The following LRRC4B variants were observed in gnomAD, a reference collection of about 807,000 sequenced individuals.
The protein encoded by LRRC4B is leucine rich repeat containing 4B.
A neutral mutation model predicts 7.3 loss-of-function variants in LRRC4B; 1 was observed. The ratio of observed to expected loss-of-function variants is 0.14; its 90% CI spans 0.05 to 0.65. LRRC4B has a LOEUF of 0.65. LRRC4B is among the 30% of genes least tolerant of loss of function. LRRC4B has a pLI of 0.84. For synonymous variants in LRRC4B, 500 were observed against 499.2 expected, an observed-to-expected ratio of 1.00 and a Z score of -0.02; for missense variants, 730 against 1,041.6, an observed-to-expected ratio of 0.70 and a Z score of 4.12.
intron 1 of LRRC4B, among the ~76,000 whole-genome samples, chr19:50,565,393 C>T (rs1001282610): frequency 6.6e-6 from 1 of 152,198 alleles, no homozygotes; most frequent in Non-Finnish European, 1.5e-5. Flanking sequence ...GTGTGACACA[C>T]GACTACAGGT....
At chr19:50,535,174 T>G (rs1981226222) in intron 2 of LRRC4B, among the ~76,000 whole-genome samples, 1 of 151,568 alleles carries the variant, frequency 6.6e-6, no homozygotes, top group Admixed American at 6.6e-5. Context: ...GGCCTGTTTA[T>G]TTATTTATTT....
chr19:50,537,502 C>T lies in LRRC4B; in HGVS notation c.297+11040G>A, dbSNP rs539002558. On this transcript the variant is annotated intron_variant, in intron 2 of 2. Transcript: ENST00000652263. The surrounding 1 kb of genome is among the most constrained non-coding windows in gnomAD (Gnocchi z 5.5). ...TTAGCGTCATTCGTGGAGGGGAGAACGCGGGTCTTGTGCCTCTCAGGACTC... is the reference window on the plus strand; with the variant it reads ...TTAGCGTCATTCGTGGAGGGGAGAATGCGGGTCTTGTGCCTCTCAGGACTC... Among the ~76,000 whole-genome samples, 2 of 152,234 alleles carry T rather than the reference C, an allele frequency of 1.3e-5. No individual in the cohort carries two copies. The highest frequency in any genetic ancestry group is 2.4e-5 in the African/African-American group (1 of 41,550).
Position 50,517,859 on chromosome 19 carries a change from G to T in LRRC4B, c.1854C>A (p.Ile618=). 1 of 1,589,356 alleles carries T rather than the reference G, an allele frequency of 6.3e-7. No homozygotes were observed. Among genetic ancestry groups the T allele is most frequent in the Non-Finnish European group, 8.5e-7 (1 of 1,171,708 alleles). ...HHGPTRTVEI[I]NVEDELPAAS... ...CGGCGGGCAGCTCGTCCTCCACGTT[G>T]ATGATCTCCACGGTGCGCGTGGGCC... Residue 618 remains isoleucine, a synonymous_variant, in exon 3 of 3, where the codon ATC becomes ATA. Coordinates refer to ENST00000652263, the MANE Select transcript of LRRC4B (RefSeq NM_001080457.2). The surrounding 1 kb of genome is among the most constrained non-coding windows in gnomAD (Gnocchi z 6.6).
intron 1 of LRRC4B, among the ~76,000 whole-genome samples, chr19:50,558,364 G>A (rs1452897867): frequency 6.6e-6 from 1 of 152,114 alleles, no homozygotes; most frequent in Non-Finnish European, 1.5e-5. Flanking sequence ...CTGAGTAGCC[G>A]ACTACAGGCG....
chr19:50,547,285 C>T (rs1210451044), intron 2 of LRRC4B, among the ~76,000 whole-genome samples: 5 of 152,128 alleles, frequency 3.3e-5, no homozygotes, highest in African/African-American at 4.8e-5. Flanking sequence ...TGGACCCCTT[C>T]GCTGGCCCTT....
chr19:50,529,253 G>C (rs113190657), intron 2 of LRRC4B, among the ~76,000 whole-genome samples: 3 of 152,168 alleles, frequency 2.0e-5, no homozygotes, highest in East Asian at 3.9e-4. Flanking sequence ...TGCACCTGGC[G>C]TGTTGAAGCT....
intron 2 of LRRC4B, among the ~76,000 whole-genome samples, chr19:50,547,729 T>C (rs1020896686): frequency 6.6e-5 from 10 of 150,912 alleles, no homozygotes; most frequent in African/African-American, 2.4e-4. Flanking sequence ...CAAAGGATGA[T>C]AGGGCAGGCC....
intron 1 of LRRC4B, among the ~76,000 whole-genome samples, chr19:50,559,006 G>A (rs1045064959): frequency 7.2e-5 from 11 of 152,226 alleles, no homozygotes; most frequent in African/African-American, 2.4e-4. Context: ...TCCCCGCAAG[G>A]GGCCCATGGC....
chr19:50,544,267 G>A (rs1490634860), intron 2 of LRRC4B, among the ~76,000 whole-genome samples: 6 of 152,104 alleles, frequency 3.9e-5, no homozygotes, highest in Non-Finnish European at 1.5e-5. Flanking sequence ...AGCACTTTGG[G>A]AGGCCGAGGC....
intron 2 of LRRC4B, among the ~76,000 whole-genome samples, chr19:50,520,960 T>C (rs1410617592): frequency 6.6e-6 from 1 of 152,168 alleles, no homozygotes; most frequent in Non-Finnish European, 1.5e-5. Flanking sequence ...AGCATTTTTT[T>C]CTCAGGACTG....
rs1235762495 is a variant in LRRC4B at position 50,548,752 on chromosome 19, G to A, written c.87C>T (p.Leu29=). ...CACCGGCCCCCAGGGGTGGGGAGAA[G>A]AGCCAGAGGAAGAGCAATGCCCCGT... ...WPHGALLFLW[L]FSPPLGAGGG... is the part of the protein sequence containing the mutation. The change falls in exon 2 of 3, where the codon CTC becomes CTT. Residue 29 remains leucine, a synonymous_variant. Coordinates refer to ENST00000652263, the MANE Select transcript of LRRC4B (RefSeq NM_001080457.2). This position sits in a 1 kb window ranked among gnomAD's most constrained non-coding sequence, Gnocchi z 6.8. 2.6e-6 allele frequency: 4 copies of A among 1,539,656 alleles called. No individual in the cohort carries two copies. The highest frequency in any genetic ancestry group is 3.5e-6 in the Non-Finnish European group (4 of 1,147,148).
rs141860945 is a variant in LRRC4B at position 50,522,197 on chromosome 19, T to C, written c.298-2782A>G. On this transcript the variant is annotated intron_variant, in intron 2 of 2. Coordinates refer to ENST00000652263, the MANE Select transcript of LRRC4B (RefSeq NM_001080457.2). ...CGTCCCCAAAATAAATAAATAAATATACAAAATGAAAATAGTAATACCAGC... is the reference window on the plus strand; with the variant it reads ...CGTCCCCAAAATAAATAAATAAATACACAAAATGAAAATAGTAATACCAGC... Among the ~76,000 whole-genome samples the C allele has an allele frequency of 4.0e-3, 616 of 152,152 alleles. 5 individuals carry two copies. The highest frequency in any genetic ancestry group is 0.014 in the African/African-American group (591 of 41,526).
chr19:50,551,086 C>G (rs1982036938), intron 1 of LRRC4B: 1 of 151,620 alleles, frequency 6.6e-6, no homozygotes, highest in East Asian at 2.0e-4. Context: ...CCCCCACCCC[C>G]ATCACGGCTT....
intron 2 of LRRC4B, among the ~76,000 whole-genome samples, chr19:50,536,792 G>A (rs1029926034): frequency 6.6e-6 from 1 of 152,190 alleles, no homozygotes; most frequent in African/African-American, 2.4e-5. Flanking sequence ...TTAAAGGCAG[G>A]GCAAGTTTCT....
chr19:50,548,422 T>C lies in LRRC4B; in HGVS notation c.297+120A>G. On this transcript the variant is annotated intron_variant, in intron 2 of 2. Coordinates refer to ENST00000652263, the MANE Select transcript of LRRC4B (RefSeq NM_001080457.2). This position sits in a 1 kb window ranked among gnomAD's most constrained non-coding sequence, Gnocchi z 6.8. ...ATAGGATGCAGACCCGCAGGCCACA[T>C]CCACAGGTGCCGGAGACGGGGAAGC... The C allele has an allele frequency of 7.3e-7, 1 of 1,369,044 alleles. No individual in the cohort carries two copies. Among genetic ancestry groups the C allele is most frequent in the East Asian group, 2.5e-5 (1 of 39,980 alleles). 84.8% of individuals were successfully genotyped at this position (1,369,044 alleles called of 1,614,324 possible). A position where few individuals can be genotyped will look rare whatever the true frequency, so the allele number is the denominator to read the frequency against.
chr19:50,567,137 G>A (rs532193777), intron 1 of LRRC4B, among the ~76,000 whole-genome samples: 155 of 151,158 alleles, frequency 1.0e-3, no homozygotes, highest in African/African-American at 3.5e-3. Context: ...AATGGGGGGC[G>A]GGGGTCTCCA....
intron 2 of LRRC4B, among the ~76,000 whole-genome samples, chr19:50,544,810 T>A (rs1489817556): frequency 6.6e-6 from 1 of 152,110 alleles, no homozygotes. Context: ...ATCCCAGCAC[T>A]TTGGGAGGCC....
intron 1 of LRRC4B, among the ~76,000 whole-genome samples, chr19:50,567,204 GGA>G (rs1982657332): frequency 6.6e-6 from 1 of 151,586 alleles, no homozygotes; most frequent in Admixed American, 6.6e-5. Flanking sequence ...CAGTGGTCCT[GGA>G]GAGACACGTG....
intron 2 of LRRC4B, among the ~76,000 whole-genome samples, chr19:50,544,115 T>G (rs1481017503): frequency 7.0e-5 from 10 of 142,622 alleles, no homozygotes; most frequent in East Asian, 2.1e-4. Flanking sequence ...GCTGAGGCGG[T>G]AGAATTGCTT....
Sources: gnomAD v4.1 joint callset for allele counts (sites outside exome capture counted in the v4.1 genomes callset) on GRCh38, gnomAD v4.1.1 for gene constraint, Gnocchi (gnomAD v3.1) non-coding constraint, MANE v1.5 for transcripts, NCBI Gene and HGNC (gene_info 2026-07-23, HGNC 2026-07-21) for gene names.